The following LRGUK variants were observed in gnomAD, a reference collection of about 807,000 sequenced individuals.
The protein encoded by LRGUK is leucine-rich repeat and guanylate kinase domain-containing protein.
A neutral mutation model predicts 76.0 loss-of-function variants in LRGUK; 65 were observed. The ratio of observed to expected loss-of-function variants is 0.85; its 90% CI spans 0.70 to 1.05. The LOEUF (loss-of-function observed/expected upper bound fraction) is 1.05, where lower values mean the gene tolerates loss of function less well. Among genes scored for constraint, LRGUK ranks in the 50% least tolerant of loss-of-function variants. The pLI is 0.00. For missense variants in LRGUK, 758 were observed against 732.8 expected (o/e 1.03, Z -0.40); for synonymous variants, 268 against 265.6 (o/e 1.01, Z -0.09).
At chr7:134,204,114 C>G (rs952949577) in intron 15 of LRGUK, among the ~76,000 whole-genome samples, 4 of 140,858 alleles carry the variant, frequency 2.8e-5, no homozygotes, top group African/African-American at 8.6e-5. Context: ...CTCTGAGTAA[C>G]TGAGAACAGT....
chr7:134,180,483 G>C (rs1046429058), intron 10 of LRGUK, among the ~76,000 whole-genome samples: 1 of 151,976 alleles, frequency 6.6e-6, no homozygotes, highest in African/African-American at 2.4e-5. Context: ...CTACAGTTAA[G>C]CTTTTACTCA....
At chr7:134,258,368 A>G (rs1348688008) in exon 19 of LRGUK, 1 of 1,614,100 alleles carries the variant, frequency 6.2e-7, no homozygotes. Context: ...ACCTAGGATC[A>G]GGAGCCAGTG....
rs144480573 is a variant in LRGUK at position 134,166,047 on chromosome 7, G to A, written c.939+2507G>A. On this transcript the variant is annotated intron_variant, in intron 7 of 15. Transcript: ENST00000645682. The stretch of plus-strand genomic sequence containing the variant: ...CCCTGGGCAGGTTGAGGAGCAACCC[G>A]CAGGCTCCCCAAATATTCTTTGAGC... 8.7e-4 allele frequency among the ~76,000 whole-genome samples: 132 copies of A among 151,880 alleles called. 1 individual carries two copies. Among genetic ancestry groups the A allele is most frequent in the African/African-American group, 3.1e-3 (127 of 41,430 alleles).
chr7:134,138,523 C>G (rs1331297389), intron 2 of LRGUK, among the ~76,000 whole-genome samples: 2 of 152,132 alleles, frequency 1.3e-5, no homozygotes, highest in Admixed American at 6.6e-5. Context: ...CAATATAGCT[C>G]TCTTCCATCA....
At chr7:134,178,477 C>T in intron 9 of LRGUK, 26 bp from the exon 10 acceptor site, 4 of 1,561,040 alleles carry the variant, frequency 2.6e-6, no homozygotes, top group Admixed American at 3.9e-5. Flanking sequence ...CTTTTTTTCC[C>T]TTTTACATCT....
chr7:134,162,542 C>G (rs1362386110), intron 6 of LRGUK, among the ~76,000 whole-genome samples: 1 of 151,990 alleles, frequency 6.6e-6, no homozygotes, highest in Non-Finnish European at 1.5e-5. Flanking sequence ...AGGAGGGGAC[C>G]ACGGCCAGGT....
chr7:134,129,936 C>T (rs1344067820), intron 1 of LRGUK, among the ~76,000 whole-genome samples: 1 of 152,080 alleles, frequency 6.6e-6, no homozygotes, highest in Non-Finnish European at 1.5e-5. Flanking sequence ...CTTATTTCTT[C>T]TTATTCTCCC....
chr7:134,225,795 G>T (rs1410883396), intron 16 of LRGUK, among the ~76,000 whole-genome samples: 1 of 152,104 alleles, frequency 6.6e-6, no homozygotes, highest in Non-Finnish European at 1.5e-5. Flanking sequence ...TGCACAGCTG[G>T]TATAATGCTG....
chr7:134,137,867 G>C (rs937929866), intron 2 of LRGUK, among the ~76,000 whole-genome samples: 1 of 149,952 alleles, frequency 6.7e-6, no homozygotes, highest in African/African-American at 2.4e-5. Flanking sequence ...AAAAAAAAAC[G>C]CACATTGAAA....
chr7:134,174,943 G>T (rs898655201), intron 8 of LRGUK, among the ~76,000 whole-genome samples: 3 of 152,084 alleles, frequency 2.0e-5, no homozygotes, highest in African/African-American at 7.2e-5. Context: ...CTGTGGTAAA[G>T]GTTACAGGAA....
exon 16 of LRGUK, chr7:134,221,902 C>G (rs760813694): frequency 6.3e-7 from 1 of 1,589,814 alleles, no homozygotes; most frequent in Non-Finnish European, 8.5e-7. Context: ...AAACTTTCAG[C>G]CAAAAAAACA....
chr7:134,260,333 G>A (rs540283894), intron 19 of LRGUK, among the ~76,000 whole-genome samples: 66 of 152,294 alleles, frequency 4.3e-4, no homozygotes, highest in Admixed American at 7.8e-4. Flanking sequence ...ACACATAGCA[G>A]AAGATTGTGT....
At chr7:134,205,773 A>G (rs1442445543) in intron 15 of LRGUK, among the ~76,000 whole-genome samples, 4 of 152,218 alleles carry the variant, frequency 2.6e-5, no homozygotes, top group South Asian at 4.1e-4. Flanking sequence ...ATAAAAACCT[A>G]TACATAATGT....
At chr7:134,137,189 C>A (rs1362763400) in intron 2 of LRGUK, 59 bp downstream of exon 2, 7 of 1,247,870 alleles carry the variant, frequency 5.6e-6, no homozygotes, top group Non-Finnish European at 8.1e-6. Context: ...AGACCATATT[C>A]ATTTTCTTCA....
chr7:134,195,450 G>T (rs2117067340), intron 12 of LRGUK, among the ~76,000 whole-genome samples: 1 of 152,294 alleles, frequency 6.6e-6, no homozygotes, highest in South Asian at 2.1e-4. Context: ...GAAGCAAGAT[G>T]GAGTCAGTTA....
At chr7:134,185,898 G>A (rs1799963094) in intron 11 of LRGUK, among the ~76,000 whole-genome samples, 2 of 152,028 alleles carry the variant, frequency 1.3e-5, no homozygotes, top group Non-Finnish European at 1.5e-5. Flanking sequence ...TTAGACACCC[G>A]AAGTAACAAA....
rs532669085 is a variant in LRGUK at position 134,133,363 on chromosome 7, T to C, written c.298-3660T>C. Among the ~76,000 whole-genome samples, 9 of 152,256 alleles carry C rather than the reference T, an allele frequency of 5.9e-5. No homozygotes were observed. The South Asian group carries it at 1.9e-3, about 32-fold the overall frequency. On this transcript the variant is annotated intron_variant, in intron 1 of 15. Coordinates refer to ENST00000645682, the Ensembl canonical transcript of LRGUK. ...TTTGGGTCTCAATTGAATTGCTGTCTCTCCTAGGAAGATTTTGCTAACTTC... is the reference window on the plus strand; with the variant it reads ...TTTGGGTCTCAATTGAATTGCTGTCCCTCCTAGGAAGATTTTGCTAACTTC...
intron 15 of LRGUK, among the ~76,000 whole-genome samples, chr7:134,219,700 CTCTCTCTCTG>C (rs1353078549): frequency 6.6e-6 from 1 of 152,052 alleles, no homozygotes; most frequent in Non-Finnish European, 1.5e-5. Context: ...CTCTGTCTCT[CTCTCTCTCTG>C]TCTCTCTCTC....
intron 3 of LRGUK, among the ~76,000 whole-genome samples, chr7:134,139,978 A>C (rs988455597): frequency 4.0e-5 from 6 of 151,746 alleles, no homozygotes; most frequent in African/African-American, 1.5e-4. Context: ...TTAAAAAAAC[A>C]TTTTTTTTGA....
Sources: allele counts gnomAD v4.1 joint callset (sites outside exome capture counted in the v4.1 genomes callset), GRCh38; gene constraint gnomAD v4.1.1; transcripts MANE v1.5; gene names NCBI Gene and HGNC (gene_info 2026-07-23, HGNC 2026-07-21).